ATP2A2: variants seen among roughly 807,000 people sequenced by gnomAD.
ATP2A2 encodes sarcoplasmic/endoplasmic reticulum calcium ATPase 2.
Under a neutral mutation model 109.3 loss-of-function variants are expected in ATP2A2, and 14 were observed. The ratio of observed to expected loss-of-function variants is 0.13; its 90% CI spans 0.08 to 0.20. The LOEUF (loss-of-function observed/expected upper bound fraction) is 0.20, where lower values mean the gene tolerates loss of function less well. Among genes scored for constraint, ATP2A2 ranks in the 10% least tolerant of loss-of-function variants. The pLI is 1.00. For synonymous variants in ATP2A2, 506 were observed against 490.9 expected (o/e 1.03, Z -0.41); for missense variants, 657 against 1,321.6 (o/e 0.50, Z 7.80).
In ATP2A2 at chr12:110,339,682, A is replaced by G; in HGVS notation, c.1722A>G (p.Glu574=). 6.2e-7 allele frequency: 1 copy of G among 1,614,138 alleles called. No homozygotes were observed. Among genetic ancestry groups the G allele is most frequent in the Non-Finnish European group, 8.5e-7 (1 of 1,180,036 alleles). ...ATHDNPLRRE[E]MHLEDSANFI... ...ATGACAACCCACTGAGAAGAGAAGA[A>G]ATGCACCTTGAGGACTCTGCCAACT... Residue 574 remains glutamate (E), a synonymous_variant, in exon 13 of 20, where the codon GAA becomes GAG. Coordinates refer to ENST00000539276, the MANE Select transcript of ATP2A2 (RefSeq NM_170665.4). This position sits in a 1 kb window ranked among gnomAD's most constrained non-coding sequence, Gnocchi z 4.4.
rs1316389924 is a variant in ATP2A2 at position 110,343,198 on chromosome 12, GCT to G, written c.2319-29_2319-28del. Reference sequence around the variant, plus strand: ...TAAATAGTGGCCAGAAGTCATTTGGGCTCTCTTTGTCTTCTTTTCTTGATTGG... The same window carrying G: ...TAAATAGTGGCCAGAAGTCATTTGGGCTCTTTGTCTTCTTTTCTTGATTGG... On this transcript the variant is annotated intron_variant, in intron 15 of 19. Coordinates refer to ENST00000539276, the MANE Select transcript of ATP2A2 (RefSeq NM_170665.4). The G allele has an allele frequency of 1.1e-5, 18 of 1,604,068 alleles. No individual in the cohort carries two copies. In the African/African-American group the frequency reaches 1.3e-4, roughly 12 times the overall value.
At chr12:110,293,359 C>T (rs1873533632) in intron 4 of ATP2A2, among the ~76,000 whole-genome samples, 1 of 148,068 alleles carries the variant, frequency 6.8e-6, no homozygotes, top group African/African-American at 2.5e-5. Flanking sequence ...TGAGCCACCA[C>T]TCCCGGCCTT....
At chr12:110,324,803 C>G (rs114892353) in intron 6 of ATP2A2, among the ~76,000 whole-genome samples, 1 of 150,542 alleles carries the variant, frequency 6.6e-6, no homozygotes, top group African/African-American at 2.4e-5. Context: ...TTTGAGAGAG[C>G]AGTTATAGTC....
Position 110,348,701 on chromosome 12 carries a change from CA to C in ATP2A2, c.*2240del, listed in dbSNP as rs1322147287. 5.1e-6 allele frequency: 5 copies of C among 982,610 alleles called. No homozygotes were observed. The highest frequency in any genetic ancestry group is 1.8e-5 in the African/African-American group (1 of 56,836). The allele number at this position is 982,610 out of a possible 1,614,324, so 60.9% of individuals were successfully genotyped here. A position where few individuals can be genotyped will look rare whatever the true frequency, so the allele number is the denominator to read the frequency against. On this transcript the variant is annotated 3_prime_UTR_variant, in exon 20 of 20. Coordinates refer to ENST00000539276, the MANE Select transcript of ATP2A2 (RefSeq NM_170665.4). ...CCTGGGCAACAGAGTGAGGCCCTGT[CA>C]AAAAAAAATCAGCCTTACTGTGAAG...
intron 6 of ATP2A2, among the ~76,000 whole-genome samples, chr12:110,323,428 A>G (rs1034081396): frequency 6.6e-6 from 1 of 152,078 alleles, no homozygotes; most frequent in Non-Finnish European, 1.5e-5. Flanking sequence ...CAGGTAATCC[A>G]CCTGCCTCGG....
intron 5 of ATP2A2, among the ~76,000 whole-genome samples, chr12:110,296,944 T>G (rs1435864053): frequency 6.6e-6 from 1 of 152,244 alleles, no homozygotes; most frequent in East Asian, 1.9e-4. Flanking sequence ...GCTTTTGGTT[T>G]TTGTTTTTAA....
At chr12:110,336,810 C>A in intron 11 of ATP2A2, among the ~76,000 whole-genome samples, 1 of 152,238 alleles carries the variant, frequency 6.6e-6, no homozygotes, top group East Asian at 1.9e-4. Flanking sequence ...GGCTTCTTCC[C>A]TCTACCCATG....
chr12:110,334,195 A>G (rs1333066919), intron 11 of ATP2A2, 52 bp downstream of exon 11: 2 of 1,605,294 alleles, frequency 1.2e-6, no homozygotes, highest in East Asian at 2.2e-5. Context: ...GTCGTACTAT[A>G]TATACTTAGT....
intron 5 of ATP2A2, among the ~76,000 whole-genome samples, chr12:110,315,632 A>G (rs762963523): frequency 3.3e-5 from 5 of 152,154 alleles, no homozygotes; most frequent in Non-Finnish European, 7.4e-5. Flanking sequence ...TGTTAGCAGT[A>G]TAGCGTATCC....
Position 110,282,747 on chromosome 12 carries a change from T to G in ATP2A2, c.171T>G (p.Phe57Leu). ...TGCTGGAACTTGTGATTGAGCAGTT[T>G]GAAGACTTGCTAGTTAGGATTTTAT... ...KTLLELVIEQ[F>L]EDLLVRILLL... Residue 57 changes from phenylalanine (F) to leucine (L), a missense_variant, in exon 3 of 20, where the codon TTT becomes TTG. Transcript: ENST00000539276. The G allele has an allele frequency of 1.2e-6, 2 of 1,614,192 alleles. No homozygotes were observed. Among genetic ancestry groups the G allele is most frequent in the Middle Eastern group, 3.3e-4 (2 of 6,062 alleles).
At chr12:110,307,976 G>A (rs973202989) in intron 5 of ATP2A2, among the ~76,000 whole-genome samples, 2 of 152,116 alleles carry the variant, frequency 1.3e-5, no homozygotes, top group Non-Finnish European at 2.9e-5. Context: ...ACAGTTTGAG[G>A]CCTTACATTT....
chr12:110,296,772 A>G (rs374051986), intron 5 of ATP2A2, 35 bp downstream of exon 5: 6 of 1,609,060 alleles, frequency 3.7e-6, no homozygotes, highest in South Asian at 1.1e-5. Flanking sequence ...TTTATTCTAG[A>G]TAGTATTTCT....
intron 5 of ATP2A2, among the ~76,000 whole-genome samples, chr12:110,314,149 A>G (rs1876404572): frequency 6.6e-6 from 1 of 151,876 alleles, no homozygotes; most frequent in Non-Finnish European, 1.5e-5. Context: ...ACCAACATGG[A>G]GAAACGCTGT....
At chr12:110,300,042 C>T (rs1025823675) in intron 5 of ATP2A2, among the ~76,000 whole-genome samples, 1 of 151,664 alleles carries the variant, frequency 6.6e-6, no homozygotes, top group Non-Finnish European at 1.5e-5. Context: ...AGGAGTGAGC[C>T]ACCACGCACG....
intron 11 of ATP2A2, among the ~76,000 whole-genome samples, chr12:110,338,755 GT>G (rs1401067625): frequency 6.6e-6 from 1 of 152,176 alleles, no homozygotes; most frequent in Admixed American, 6.5e-5. Flanking sequence ...GTTGTCTTCT[GT>G]TTTACTTGTC....
chr12:110,335,677 A>T (rs1487061162), intron 11 of ATP2A2, among the ~76,000 whole-genome samples: 1 of 152,246 alleles, frequency 6.6e-6, no homozygotes, highest in Non-Finnish European at 1.5e-5. Context: ...GGTGCCAAGG[A>T]CAGGTGGGAG....
At chr12:110,306,959 A>G (rs950354545) in intron 5 of ATP2A2, among the ~76,000 whole-genome samples, 1 of 151,948 alleles carries the variant, frequency 6.6e-6, no homozygotes, top group African/African-American at 2.4e-5. Context: ...AGGTCTCACC[A>G]TGTTGCCCAG....
intron 1 of ATP2A2, 58 bp downstream of exon 1, chr12:110,281,965 T>C: frequency 7.2e-7 from 1 of 1,391,290 alleles, no homozygotes; most frequent in African/African-American, 1.5e-5. Context: ...CCAGGGAAGA[T>C]GGCTGACCGG....
chr12:110,282,006 CGCCGACAGCTGCGGGCG>C, intron 1 of ATP2A2, 99 bp downstream of exon 1: 1 of 938,980 alleles, frequency 1.1e-6, no homozygotes, highest in Non-Finnish European at 1.5e-6. Context: ...GCTCCGCGCC[CGCCGACAGCTGCGGGCG>C]GAGGGTCGGG....
Sources: gnomAD v4.1 joint callset for allele counts (sites outside exome capture counted in the v4.1 genomes callset) on GRCh38, gnomAD v4.1.1 for gene constraint, Gnocchi (gnomAD v3.1) non-coding constraint, MANE v1.5 for transcripts, NCBI Gene and HGNC (gene_info 2026-07-23, HGNC 2026-07-21) for gene names.